Variants in APP observed in about 807,000 individuals in gnomAD.
APP encodes amyloid-beta precursor protein.
APP carries 31 observed loss-of-function variants against 101.4 expected under a neutral mutation model. That is an observed-to-expected ratio of 0.31 (90% CI 0.23 to 0.41). The LOEUF (loss-of-function observed/expected upper bound fraction) is 0.41, where lower values mean the gene tolerates loss of function less well. APP is among the 10% of genes least tolerant of loss of function. APP has a pLI of 1.00. For missense variants in APP, 839 were observed against 1,003.7 expected (o/e 0.84, Z 2.22); for synonymous variants, 366 against 364.4 (o/e 1.00, Z -0.05).
Position 25,897,920 on chromosome 21 carries a change from G to C in APP, c.1964-247C>G, listed in dbSNP as rs554747148. 1.6e-5 allele frequency: 8 copies of C among 512,770 alleles called. 1 individual carries two copies. The East Asian group carries it at 2.8e-4, about 18-fold the overall frequency. 31.8% of individuals were successfully genotyped at this position (512,770 alleles called of 1,614,324 possible). Reference sequence around the variant, plus strand: ...AGGCTTCTGCTGCCTTTAAATACATGCTATAATTTTTGAAAATGGGGGAAA... The same window carrying C: ...AGGCTTCTGCTGCCTTTAAATACATCCTATAATTTTTGAAAATGGGGGAAA... On this transcript the variant is annotated intron_variant, in intron 15 of 17. Transcript: ENST00000346798.
intron 3 of APP, among the ~76,000 whole-genome samples, chr21:26,081,071 T>A (rs1439898724): frequency 6.6e-6 from 1 of 152,218 alleles, no homozygotes; most frequent in Non-Finnish European, 1.5e-5. Context: ...TTTTACCACA[T>A]CAAAATTCTG....
chr21:25,941,879 T>A (rs2040591958), intron 13 of APP: 1 of 152,202 alleles, frequency 6.6e-6, no homozygotes. Flanking sequence ...TTATGTCTGA[T>A]CCCTTGCAAA....
intron 1 of APP, among the ~76,000 whole-genome samples, chr21:26,139,879 A>AAAACAAACAAAC (rs10617724): frequency 6.7e-6 from 1 of 150,172 alleles, no homozygotes; most frequent in African/African-American, 2.5e-5. Flanking sequence ...ACTCCGTCTC[A>AAAACAAACAAAC]AAACAAACAA....
intron 17 of APP, among the ~76,000 whole-genome samples, chr21:25,889,982 A>T (rs762753538): frequency 6.6e-6 from 1 of 152,210 alleles, no homozygotes; most frequent in Non-Finnish European, 1.5e-5. Flanking sequence ...ATGGAATTAA[A>T]TTTTTTTAAA....
chr21:26,078,621 T>G (rs2061538975), intron 3 of APP, among the ~76,000 whole-genome samples: 3 of 152,220 alleles, frequency 2.0e-5, no homozygotes, highest in Admixed American at 2.0e-4. Flanking sequence ...ATTCTTCATC[T>G]GGCTACAATT....
chr21:26,014,374 T>A (rs1451827747), intron 6 of APP, among the ~76,000 whole-genome samples: 1 of 152,332 alleles, frequency 6.6e-6, no homozygotes, highest in African/African-American at 2.4e-5. Flanking sequence ...TTGTTTCTTC[T>A]CCCCTTGAGA....
intron 13 of APP, among the ~76,000 whole-genome samples, chr21:25,948,090 T>C (rs2040906560): frequency 6.6e-6 from 1 of 151,610 alleles, no homozygotes; most frequent in Admixed American, 6.6e-5. Context: ...TAAAAGTCAT[T>C]TCTTATGAAA....
In APP at chr21:26,050,987, A is replaced by G. The variant is rs750699353; in HGVS notation, c.662+13T>C. ...TTCAGCATCTCTGAGGCTGAACACA[A>G]AGGCCACCTTACCTCCCATCTGCAT... On this transcript the variant is annotated intron_variant, in intron 5 of 17. Transcript: ENST00000346798. 2 of 1,614,030 alleles carry G rather than the reference A, an allele frequency of 1.2e-6. No homozygotes were observed. Among genetic ancestry groups the G allele is most frequent in the Non-Finnish European group, 1.7e-6 (2 of 1,179,978 alleles).
At chr21:26,051,983 A>G (rs1353451267) in intron 4 of APP, among the ~76,000 whole-genome samples, 3 of 152,262 alleles carry the variant, frequency 2.0e-5, no homozygotes, top group Non-Finnish European at 4.4e-5. Flanking sequence ...TCAAATAGGT[A>G]GCTGGACTTC....
In APP at chr21:26,170,635, G is replaced by C. The variant is rs754084577; in HGVS notation, c.-15C>G. On this transcript the variant is annotated 5_prime_UTR_variant, in exon 1 of 18. Transcript: ENST00000346798. ...CCGGGCAGCATCGCGACCCTGCGCG[G>C]GGCACCGAGTGCGCTGCTGTGCGAG... 3 of 1,532,882 alleles carry C rather than the reference G, an allele frequency of 2.0e-6. No individual in the cohort carries two copies. Among genetic ancestry groups the C allele is most frequent in the Admixed American group, 3.9e-5 (2 of 50,696 alleles). 95.0% of individuals were successfully genotyped at this position (1,532,882 alleles called of 1,614,324 possible).
chr21:26,089,817 G>A, intron 3 of APP, 126 bp downstream of exon 3: 1 of 1,445,302 alleles, frequency 6.9e-7, no homozygotes, highest in Admixed American at 1.7e-5. Context: ...CCAAAACACA[G>A]TACAACACAG....
chr21:26,165,020 T>C (rs908354175), intron 1 of APP, among the ~76,000 whole-genome samples: 8 of 152,178 alleles, frequency 5.3e-5, no homozygotes, highest in African/African-American at 9.6e-5. Flanking sequence ...AAAAAACCAA[T>C]TGAAATACAC....
intron 5 of APP, among the ~76,000 whole-genome samples, chr21:26,048,532 C>T (rs1336901012): frequency 6.6e-6 from 1 of 152,046 alleles, no homozygotes; most frequent in African/African-American, 2.4e-5. Flanking sequence ...AATATCCAAT[C>T]GTGGACCATG....
chr21:26,011,818 G>C (rs1019785369), intron 6 of APP, among the ~76,000 whole-genome samples: 1 of 151,866 alleles, frequency 6.6e-6, no homozygotes, highest in African/African-American at 2.4e-5. Context: ...AGAACCTAAA[G>C]TCACGTGCAA....
chr21:25,908,287 A>G (rs2038891505), intron 14 of APP, among the ~76,000 whole-genome samples: 1 of 152,268 alleles, frequency 6.6e-6, no homozygotes, highest in African/African-American at 2.4e-5. Flanking sequence ...AGCACATTGG[A>G]AAACTCTGAT....
At chr21:26,160,165 T>A (rs888075399) in intron 1 of APP, among the ~76,000 whole-genome samples, 1 of 152,042 alleles carries the variant, frequency 6.6e-6, no homozygotes, top group Admixed American at 6.6e-5. Flanking sequence ...CCTCAGGAAT[T>A]CCCCCCTCTC....
At chr21:26,058,777 A>T (rs1269844364) in intron 3 of APP, among the ~76,000 whole-genome samples, 1 of 151,860 alleles carries the variant, frequency 6.6e-6, no homozygotes, top group African/African-American at 2.4e-5. Context: ...CTCTAAAAAT[A>T]AATGTTTAAA....
chr21:26,151,123 A>G (rs1199370834), intron 1 of APP, among the ~76,000 whole-genome samples: 1 of 152,232 alleles, frequency 6.6e-6, no homozygotes, highest in African/African-American at 2.4e-5. Flanking sequence ...TTTCTGGTCA[A>G]AGATTCTTAT....
chr21:26,133,071 T>TA (rs2062827107), intron 1 of APP, among the ~76,000 whole-genome samples: 1 of 151,870 alleles, frequency 6.6e-6, no homozygotes. Context: ...ACCCCGTCTC[T>TA]AAAAAAAGAT....
Sources: allele counts gnomAD v4.1 joint callset (sites outside exome capture counted in the v4.1 genomes callset), GRCh38; gene constraint gnomAD v4.1.1; transcripts MANE v1.5; gene names NCBI Gene and HGNC (gene_info 2026-07-23, HGNC 2026-07-21).